The following AMOTL1 variants were observed in gnomAD, a reference collection of about 807,000 sequenced individuals.
The protein encoded by AMOTL1 is angiomotin-like protein 1.
In AMOTL1, 45 loss-of-function variants were observed where a neutral mutation model predicts 102.9. The ratio of observed to expected loss-of-function variants is 0.44; its 90% CI spans 0.34 to 0.56. The LOEUF is 0.56. Among genes scored for constraint, AMOTL1 ranks in the 20% least tolerant of loss-of-function variants. AMOTL1 has a pLI of 0.01. For synonymous variants in AMOTL1, 481 were observed against 484.7 expected (o/e 0.99, Z 0.10); for missense variants, 1,114 against 1,225.6 (o/e 0.91, Z 1.36).
At position 94,869,305 on chromosome 11, in the gene AMOTL1, G is replaced by A. The variant is rs1468269371; in HGVS notation, c.2596G>A (p.Ala866Thr). ...AGCCTCCACTACGGCAGCCAGCAGT[G>A]CCCACGCCAAGACAGGCAGCAAGGA... ...SIASTTAASS[A>T]HAKTGSKDSS... The change falls in exon 12 of 13, where the codon GCC becomes ACC. Residue 866 changes from alanine (A) to threonine (T), a missense_variant. Coordinates refer to ENST00000433060, the MANE Select transcript of AMOTL1 (RefSeq NM_130847.3). The A allele has an allele frequency of 1.2e-6, 2 of 1,612,746 alleles. No individual in the cohort carries two copies. Among genetic ancestry groups the A allele is most frequent in the Admixed American group, 1.7e-5 (1 of 59,856 alleles).
intron 6 of AMOTL1, among the ~76,000 whole-genome samples, chr11:94,847,601 A>G (rs1952443689): frequency 6.6e-6 from 1 of 152,248 alleles, no homozygotes; most frequent in African/African-American, 2.4e-5. Context: ...AGGCACAGAG[A>G]GGTTAAATAT....
chr11:94,722,643 A>G (rs1950191806), intron 1 of AMOTL1, among the ~76,000 whole-genome samples: 1 of 152,182 alleles, frequency 6.6e-6, no homozygotes, highest in Non-Finnish European at 1.5e-5. Flanking sequence ...GCTCTCATCC[A>G]CGATATATAT....
intron 3 of AMOTL1, among the ~76,000 whole-genome samples, chr11:94,745,677 C>G (rs1252853231): frequency 6.6e-6 from 1 of 152,080 alleles, no homozygotes; most frequent in Admixed American, 6.5e-5. Context: ...TGGGACCTTG[C>G]GTGGATATGG....
At chr11:94,794,773 C>T (rs948036862) in intron 1 of AMOTL1, among the ~76,000 whole-genome samples, 5 of 152,190 alleles carry the variant, frequency 3.3e-5, no homozygotes, top group Admixed American at 2.0e-4. Context: ...AGAGCATTTG[C>T]GCCTTCACTC....
chr11:94,721,638 G>A (rs1950176187), intron 1 of AMOTL1, among the ~76,000 whole-genome samples: 1 of 152,110 alleles, frequency 6.6e-6, no homozygotes, highest in African/African-American at 2.4e-5. Flanking sequence ...TAGGAAGAGA[G>A]TCCTTGCCAG....
At chr11:94,736,121 C>T (rs1950435982) in intron 2 of AMOTL1, among the ~76,000 whole-genome samples, 2 of 152,176 alleles carry the variant, frequency 1.3e-5, no homozygotes, top group South Asian at 2.1e-4. Context: ...TCCCTAGAAA[C>T]AGGGGCAGGG....
At chr11:94,845,002 G>C (rs1033953872) in intron 6 of AMOTL1, among the ~76,000 whole-genome samples, 1 of 152,206 alleles carries the variant, frequency 6.6e-6, no homozygotes, top group Non-Finnish European at 1.5e-5. Context: ...TGGCTTACAG[G>C]TTTGCTGTCC....
chr11:94,727,605 G>A (rs11020926), intron 1 of AMOTL1, among the ~76,000 whole-genome samples: 1 of 152,162 alleles, frequency 6.6e-6, no homozygotes, highest in South Asian at 2.1e-4. Flanking sequence ...AGAGGTCTTT[G>A]CAAGAGGAAA....
chr11:94,847,475 A>C (rs2135703527), intron 6 of AMOTL1, among the ~76,000 whole-genome samples: 1 of 152,310 alleles, frequency 6.6e-6, no homozygotes, highest in Non-Finnish European at 1.5e-5. Flanking sequence ...CCAGGGAATC[A>C]ATAATAACCA....
In AMOTL1 at chr11:94,768,417, C is replaced by T. The variant is rs1414066680; in HGVS notation, c.-95C>T. The T allele has an allele frequency of 7.8e-6, 12 of 1,536,656 alleles. No individual in the cohort carries two copies. The highest frequency in any genetic ancestry group is 9.6e-6 in the Non-Finnish European group (11 of 1,143,504). On this transcript the variant is annotated 5_prime_UTR_variant, in exon 1 of 13. Transcript: ENST00000433060. ...CGGGTTTGGGGCTGGAGGTGAAGCC[C>T]TGTGTGAATGGGGTTGATTGTCCGG... is the stretch of plus-strand genomic sequence containing the variant.
At chr11:94,746,621 G>A (rs1177074839) in intron 3 of AMOTL1, among the ~76,000 whole-genome samples, 2 of 152,072 alleles carry the variant, frequency 1.3e-5, no homozygotes, top group Non-Finnish European at 2.9e-5. Context: ...AATCCCATGT[G>A]TCATGTCCTC....
chr11:94,760,287 TCTC>T (rs1412616165), intron 3 of AMOTL1, among the ~76,000 whole-genome samples: 1 of 152,192 alleles, frequency 6.6e-6, no homozygotes, highest in African/African-American at 2.4e-5. Flanking sequence ...TTTCTCTTTC[TCTC>T]CTCTATTTAA....
chr11:94,738,191 G>T (rs561536214), intron 2 of AMOTL1, among the ~76,000 whole-genome samples: 1 of 152,162 alleles, frequency 6.6e-6, no homozygotes, highest in Non-Finnish European at 1.5e-5. Context: ...TGATTGCTGG[G>T]CTGCACTAGC....
At chr11:94,728,250 G>A (rs1950291224) in intron 1 of AMOTL1, among the ~76,000 whole-genome samples, 1 of 152,084 alleles carries the variant, frequency 6.6e-6, no homozygotes, top group African/African-American at 2.4e-5. Context: ...CATATAGAGA[G>A]ATTCTTCAGG....
chr11:94,763,167 G>A (rs930176864), intron 3 of AMOTL1, among the ~76,000 whole-genome samples: 16 of 152,128 alleles, frequency 1.1e-4, no homozygotes, highest in Non-Finnish European at 1.8e-4. Flanking sequence ...CACAAGTGTC[G>A]TACCTTGTGT....
Position 94,795,132 on chromosome 11 carries a change from G to T in AMOTL1, c.171G>T (p.Glu57Asp). The T allele has an allele frequency of 6.2e-7, 1 of 1,613,772 alleles. No homozygotes were observed. Among genetic ancestry groups the T allele is most frequent in the Non-Finnish European group, 8.5e-7 (1 of 1,179,796 alleles). The change falls in exon 2 of 13, where the codon GAG becomes GAT. Residue 57 changes from glutamate (E) to aspartate (D), a missense_variant. Physicochemically the swap from Glu to Asp is conservative, Grantham distance 45 (BLOSUM62 2). Coordinates refer to ENST00000433060, the MANE Select transcript of AMOTL1 (RefSeq NM_130847.3). Reference protein sequence around the residue: ...GRHETSALTVEATSSIREKVV... With the variant: ...GRHETSALTVDATSSIREKVV... The stretch of plus-strand genomic sequence containing the variant: ...ATGAAACATCTGCTTTGACGGTGGA[G>T]GCAACCAGTAGCATCAGGGAAAAAG...
intron 3 of AMOTL1, among the ~76,000 whole-genome samples, chr11:94,808,538 G>C (rs918783259): frequency 3.3e-5 from 5 of 152,052 alleles, no homozygotes; most frequent in African/African-American, 1.2e-4. Flanking sequence ...GGAACATAGA[G>C]TTTAATATAT....
intron 1 of AMOTL1, among the ~76,000 whole-genome samples, chr11:94,789,284 G>A (rs1591966410): frequency 1.3e-5 from 2 of 152,102 alleles, no homozygotes; most frequent in Non-Finnish European, 1.5e-5. Context: ...TCAGCCTCCC[G>A]AGTAGCTGAG....
chr11:94,779,107 A>G (rs1951070134), intron 1 of AMOTL1, among the ~76,000 whole-genome samples: 1 of 152,226 alleles, frequency 6.6e-6, no homozygotes. Context: ...AAGAATTTGC[A>G]GACATGTATT....
Sources: allele counts gnomAD v4.1 joint callset (sites outside exome capture counted in the v4.1 genomes callset), GRCh38; gene constraint gnomAD v4.1.1; transcripts MANE v1.5; gene names NCBI Gene and HGNC (gene_info 2026-07-23, HGNC 2026-07-21).